THOC1: variants seen among roughly 807,000 people sequenced by gnomAD.
THOC1 encodes THO complex subunit 1, also known as THO complex 1.
THOC1 carries 29 observed loss-of-function variants against 97.3 expected under a neutral mutation model. The ratio of observed to expected loss-of-function variants is 0.30; its 90% CI spans 0.22 to 0.41. The LOEUF (loss-of-function observed/expected upper bound fraction) is 0.41, where lower values mean the gene tolerates loss of function less well. THOC1 is among the 10% of genes least tolerant of loss of function. The probability of loss-of-function intolerance (pLI) is 1.00; values close to 1 mark genes in which losing one functional copy is unlikely to be tolerated. For missense variants in THOC1, 529 were observed against 761.9 expected (o/e 0.69, Z 3.60); for synonymous variants, 255 against 257.0 (o/e 0.99, Z 0.07).
chr18:243,215 G>A (rs1444483945), intron 11 of THOC1, among the ~76,000 whole-genome samples: 3 of 152,070 alleles, frequency 2.0e-5, no homozygotes, highest in East Asian at 3.8e-4. Flanking sequence ...TGAAATTTCA[G>A]TGCTTAATCC....
intron 7 of THOC1, among the ~76,000 whole-genome samples, chr18:258,580 C>T (rs1173166500): frequency 1.3e-5 from 2 of 151,996 alleles, no homozygotes; most frequent in Admixed American, 6.6e-5. Context: ...TTCATTTAAT[C>T]CTCAGAACAT....
chr18:237,814 A>G (rs1306217974), intron 11 of THOC1, among the ~76,000 whole-genome samples: 2 of 152,208 alleles, frequency 1.3e-5, no homozygotes, highest in Non-Finnish European at 2.9e-5. Context: ...TCTGAGAAAA[A>G]GAATGTGTAA....
chr18:231,145 C>T (rs1464847665), intron 11 of THOC1, among the ~76,000 whole-genome samples: 4 of 152,152 alleles, frequency 2.6e-5, no homozygotes, highest in Non-Finnish European at 5.9e-5. Context: ...AGAAGGGTCT[C>T]GCTATGTTGC....
At chr18:221,926 A>G (rs1911107751) in intron 17 of THOC1, among the ~76,000 whole-genome samples, 1 of 152,142 alleles carries the variant, frequency 6.6e-6, no homozygotes. Context: ...TTTAAAATAT[A>G]ACACCAATTT....
chr18:259,368 G>T, intron 6 of THOC1, 93 bp from the exon 7 acceptor site: 1 of 1,067,850 alleles, frequency 9.4e-7, no homozygotes, highest in Non-Finnish European at 1.3e-6. Flanking sequence ...TGTGTCAAGA[G>T]TATTTTCCTA....
At chr18:259,755 C>G in intron 5 of THOC1, 25 bp from the exon 6 acceptor site, 1 of 1,512,612 alleles carries the variant, frequency 6.6e-7, no homozygotes, top group East Asian at 2.5e-5. Flanking sequence ...GAAATTATCA[C>G]TCTTCTTCAG....
chr18:247,039 G>C (rs887901272), intron 10 of THOC1, among the ~76,000 whole-genome samples: 8 of 151,988 alleles, frequency 5.3e-5, no homozygotes, highest in African/African-American at 1.7e-4. Context: ...AACCACCTGT[G>C]GAAACTCTTA....
intron 12 of THOC1, chr18:226,420 A>G (rs1911287998): frequency 6.3e-6 from 1 of 159,530 alleles, no homozygotes; most frequent in Admixed American, 6.3e-5. Context: ...TGCATCTTTT[A>G]GCTTGAATGT....
intron 11 of THOC1, among the ~76,000 whole-genome samples, chr18:228,255 C>T (rs1429414109): frequency 1.3e-5 from 2 of 152,130 alleles, no homozygotes; most frequent in African/African-American, 4.8e-5. Flanking sequence ...TCCTATCTCA[C>T]CACAACCTCT....
chr18:247,052 C>T (rs1912120126), intron 10 of THOC1, among the ~76,000 whole-genome samples: 1 of 152,102 alleles, frequency 6.6e-6, no homozygotes, highest in Non-Finnish European at 1.5e-5. Context: ...AACTCTTACG[C>T]ATTTCTTGTG....
chr18:258,851 T>C (rs560934270), intron 7 of THOC1, among the ~76,000 whole-genome samples: 23 of 152,148 alleles, frequency 1.5e-4, no homozygotes, highest in Non-Finnish European at 2.8e-4. Context: ...TATAGCTAAA[T>C]AGTTGTGACT....
At position 216,491 on chromosome 18, in the gene THOC1, A is replaced by G; in HGVS notation, c.1597T>C (p.Leu533=). The change falls in exon 19 of 21, where the codon TTA becomes CTA. Residue 533 remains leucine (L), a synonymous_variant. Transcript: ENST00000261600. The stretch of plus-strand genomic sequence containing the variant: ...AGTTGATCTATGGTACTTACCGGTA[A>G]TTCCTTGGCTAGCTTTATTACCATA... ...ENMVIKLAKE[L]PPPSEEIKTG... The G allele has an allele frequency of 6.2e-7, 1 of 1,613,632 alleles. No homozygotes were observed.
intron 11 of THOC1, among the ~76,000 whole-genome samples, chr18:229,887 C>T (rs605877): frequency 0.17 from 25,351 of 152,050 alleles, 2,392 homozygotes; most frequent in Non-Finnish European, 0.23. Flanking sequence ...GGGTTTTCTT[C>T]GGGATTTCAG....
rs34534049 is a variant in THOC1 at position 242,442 on chromosome 18, C to CAA, written c.918+3880_918+3881dup. ...ACAGTGGGCCAAAAAAAAAGTGTCT[C>CAA]AAAAAAAAAAAAAAAGTTTGTATCA... On this transcript the variant is annotated intron_variant, in intron 11 of 20. Coordinates refer to ENST00000261600, the MANE Select transcript of THOC1 (RefSeq NM_005131.3). This position sits in a 1 kb window ranked among gnomAD's most constrained non-coding sequence, Gnocchi z 4.5. Among the ~76,000 whole-genome samples, 9 of 138,388 alleles carry CAA rather than the reference C, an allele frequency of 6.5e-5. No homozygotes were observed. Among genetic ancestry groups the CAA allele is most frequent in the African/African-American group, 1.4e-4 (5 of 36,092 alleles). The allele number at this position is 138,388 out of a possible 152,430, so 90.8% of individuals were successfully genotyped here.
intron 4 of THOC1, among the ~76,000 whole-genome samples, chr18:262,107 G>A (rs1912624096): frequency 6.6e-6 from 1 of 152,114 alleles, no homozygotes; most frequent in Non-Finnish European, 1.5e-5. Context: ...TTTACCACAT[G>A]GTAAATTTCA....
chr18:246,675 C>T (rs555545613), intron 10 of THOC1, among the ~76,000 whole-genome samples: 3 of 152,054 alleles, frequency 2.0e-5, no homozygotes, highest in Admixed American at 2.0e-4. Context: ...CTCCCTACTC[C>T]TAAAGAAATA....
At chr18:247,357 G>C (rs926786385) in intron 10 of THOC1, among the ~76,000 whole-genome samples, 1 of 152,202 alleles carries the variant, frequency 6.6e-6, no homozygotes, top group Non-Finnish European at 1.5e-5. Context: ...AAGGACCAGA[G>C]AGTAAGTATT....
At chr18:215,830 AAC>A (rs1215191115) in intron 19 of THOC1, 3 of 274,230 alleles carry the variant, frequency 1.1e-5, no homozygotes, top group Non-Finnish European at 2.1e-5. Context: ...AGCCAGTAGC[AAC>A]AGTGTCCTTA....
intron 5 of THOC1, 102 bp from the exon 6 acceptor site, chr18:259,832 G>C: frequency 1.3e-6 from 1 of 760,552 alleles, no homozygotes; most frequent in South Asian, 2.1e-5. Flanking sequence ...AACATGCACT[G>C]AGAATCTACT....
Sources: gnomAD v4.1 joint callset for allele counts (sites outside exome capture counted in the v4.1 genomes callset) on GRCh38, gnomAD v4.1.1 for gene constraint, Gnocchi (gnomAD v3.1) non-coding constraint, MANE v1.5 for transcripts, NCBI Gene and HGNC (gene_info 2026-07-23, HGNC 2026-07-21) for gene names.